Variants in MYO16 observed in about 807,000 individuals in gnomAD.
MYO16 encodes the protein myosin XVI, also known as unconventional myosin-XVI.
A neutral mutation model predicts 205.3 loss-of-function variants in MYO16; 94 were observed. That is an observed-to-expected ratio of 0.46 (90% CI 0.39 to 0.54). The LOEUF is 0.54. Ranked by LOEUF, MYO16 falls within the 20% of genes least tolerant of loss-of-function variation. MYO16 has a pLI of 0.00. For synonymous variants in MYO16, 988 were observed against 954.0 expected (o/e 1.04, Z -0.66); for missense variants, 2,315 against 2,387.5 (o/e 0.97, Z 0.63).
intron 27 of MYO16, among the ~76,000 whole-genome samples, chr13:109,084,965 C>G (rs1186913494): frequency 6.6e-6 from 1 of 152,150 alleles, no homozygotes; most frequent in African/African-American, 2.4e-5. Flanking sequence ...TATAGGACAT[C>G]TTGCAGTAGC....
chr13:109,055,201 T>C lies in MYO16; in HGVS notation c.3129+75T>C, dbSNP rs1887373497. Reference sequence around the variant, plus strand: ...TAAAGAGGGTTTATGTAGACTTTTTTTTCCATTTTTGACAACTTAAATATC... The same window carrying C: ...TAAAGAGGGTTTATGTAGACTTTTTCTTCCATTTTTGACAACTTAAATATC... On this transcript the variant is annotated intron_variant, in intron 26 of 34. Coordinates refer to ENST00000457511, the MANE Select transcript of MYO16 (RefSeq NM_001198950.3). This position sits in a 1 kb window ranked among gnomAD's most constrained non-coding sequence, Gnocchi z 5.0. 4.6e-6 allele frequency: 6 copies of C among 1,302,156 alleles called. No individual in the cohort carries two copies. In the East Asian group the frequency reaches 9.3e-5, roughly 20 times the overall value. 80.7% of individuals were successfully genotyped at this position (1,302,156 alleles called of 1,614,324 possible).
At position 109,127,359 on chromosome 13, in the gene MYO16, A is replaced by T; in HGVS notation, c.3860A>T (p.Gln1287Leu). 6.2e-7 allele frequency: 1 copy of T among 1,613,614 alleles called. No individual in the cohort carries two copies. Among genetic ancestry groups the T allele is most frequent in the Non-Finnish European group, 8.5e-7 (1 of 1,179,826 alleles). Residue 1287 changes from glutamine (Q) to leucine (L), a missense_variant, in exon 31 of 35, where the codon CAG becomes CTG. Transcript: ENST00000457511. The surrounding 1 kb of genome is among the most constrained non-coding windows in gnomAD (Gnocchi z 4.2). Reference protein sequence around the residue: ...SVCAAVDGLGQCLVGPSIWSP... With the variant: ...SVCAAVDGLGLCLVGPSIWSP... ...TGCGCGGCCGTGGATGGCCTGGGCC[A>T]GTGCCTCGTTGGCCCGTCCATCTGG...
chr13:108,982,281 ATGT>A, intron 20 of MYO16, among the ~76,000 whole-genome samples: 1 of 152,368 alleles, frequency 6.6e-6, no homozygotes, highest in East Asian at 1.9e-4. Flanking sequence ...GGTGATGGAC[ATGT>A]TAATTACTTT....
chr13:109,178,631 G>A (rs1171661643), intron 33 of MYO16, among the ~76,000 whole-genome samples: 2 of 152,002 alleles, frequency 1.3e-5, no homozygotes, highest in Non-Finnish European at 2.9e-5. Flanking sequence ...TTTATTAATC[G>A]AAGTCACTTG....
intron 7 of MYO16, among the ~76,000 whole-genome samples, chr13:108,819,399 A>G (rs185097260): frequency 6.6e-6 from 1 of 152,274 alleles, no homozygotes; most frequent in Non-Finnish European, 1.5e-5. Flanking sequence ...GAATGTCACA[A>G]ACAGGTTAAG....
At chr13:108,961,834 T>C (rs1318409299) in intron 18 of MYO16, among the ~76,000 whole-genome samples, 178 bp downstream of exon 18, 1 of 152,208 alleles carries the variant, frequency 6.6e-6, no homozygotes, top group Admixed American at 6.5e-5. Flanking sequence ...GTTGTGGAAA[T>C]GAGTAGCAAG....
chr13:108,686,188 G>A (rs1310798855), intron 2 of MYO16, among the ~76,000 whole-genome samples: 1 of 152,130 alleles, frequency 6.6e-6, no homozygotes, highest in African/African-American at 2.4e-5. Flanking sequence ...GAGTGGAGCC[G>A]CCTTGATGAG....
At chr13:108,686,183 G>A (rs1338001465) in intron 2 of MYO16, among the ~76,000 whole-genome samples, 5 of 152,144 alleles carry the variant, frequency 3.3e-5, no homozygotes, top group Admixed American at 6.5e-5. Context: ...GGCAGGAGTG[G>A]AGCCGCCTTG....
At chr13:108,790,426 TTAAAA>T (rs1433601184) in intron 5 of MYO16, among the ~76,000 whole-genome samples, 1 of 152,162 alleles carries the variant, frequency 6.6e-6, no homozygotes, top group Non-Finnish European at 1.5e-5. Flanking sequence ...AATTCTTATA[TTAAAA>T]TAAATTACTA....
At position 109,206,673 on chromosome 13, in the gene MYO16, G is replaced by T. The variant is rs1880609758; in HGVS notation, c.5480G>T (p.Arg1827Met). 1 of 1,614,076 alleles carries T rather than the reference G, an allele frequency of 6.2e-7. No homozygotes were observed. The change falls in exon 35 of 35, where the codon AGG (arginine) becomes ATG (methionine). Residue 1827 changes from arginine to methionine, a missense_variant. Arg to Met is a moderately conservative substitution (Grantham distance 91). Coordinates refer to ENST00000457511, the MANE Select transcript of MYO16 (RefSeq NM_001198950.3). ...GCCCTGCAGGAACTCTTGGACTGGA[G>T]GAGAAAGCTCTGTGAGGAAGGACAA... is the stretch of plus-strand genomic sequence containing the variant. ...SVALQELLDWRRKLCEEGQDW... is the reference protein window; with the variant it reads ...SVALQELLDWMRKLCEEGQDW...
intron 3 of MYO16, among the ~76,000 whole-genome samples, chr13:108,719,539 G>C (rs1884080368): frequency 6.6e-6 from 1 of 151,758 alleles, no homozygotes; most frequent in South Asian, 2.1e-4. Context: ...GTAGGTTGTT[G>C]GTCCTGAGGT....
upstream of MYO16, among the ~76,000 whole-genome samples, chr13:108,626,904 T>TTA (rs553256899): frequency 8.9e-5 from 13 of 146,494 alleles, no homozygotes; most frequent in Admixed American, 3.4e-4. Context: ...TATATGTATA[T>TTA]TATATATATT....
chr13:109,184,363 A>C (rs998662053), intron 34 of MYO16, among the ~76,000 whole-genome samples: 1 of 152,210 alleles, frequency 6.6e-6, no homozygotes, highest in African/African-American at 2.4e-5. Flanking sequence ...CAGCATTTTC[A>C]ACAGGGAAAG....
At chr13:109,175,233 C>G (rs2149516) in intron 33 of MYO16, among the ~76,000 whole-genome samples, 152,302 of 152,352 alleles carry the variant, frequency 1, 76,126 homozygotes, top group Non-Finnish European at 1. Context: ...TTGTGTCCTG[C>G]AGGAAGGTTT....
the MYO16 span, among the ~76,000 whole-genome samples, chr13:108,552,143 T>C: frequency 1.3e-5 from 2 of 152,170 alleles, no homozygotes; most frequent in African/African-American, 4.8e-5. Context: ...CAAAGATACA[T>C]GCTTCCTCTA....
Position 108,855,468 on chromosome 13 carries a change from A to G in MYO16, c.1274A>G (p.Asn425Ser), listed in dbSNP as rs753722147. The change falls in exon 11 of 35, where the codon AAC (asparagine) becomes AGC (serine). Residue 425 changes from asparagine to serine, a missense_variant. Asn to Ser is a conservative substitution (Grantham distance 46). Coordinates refer to ENST00000457511, the MANE Select transcript of MYO16 (RefSeq NM_001198950.3). ...EQVKLMPPAP[N>S]DDLATLSELN... ...GTCAAGCTAATGCCTCCTGCCCCAA[A>G]CGATGACCTGGCAACGCTCAGCGAG... The G allele has an allele frequency of 1.7e-5, 27 of 1,592,676 alleles. No individual in the cohort carries two copies. The highest frequency in any genetic ancestry group is 2.1e-5 in the Non-Finnish European group (25 of 1,163,708).
At chr13:108,988,450 A>T (rs558480212) in intron 20 of MYO16, among the ~76,000 whole-genome samples, 48 of 151,704 alleles carry the variant, frequency 3.2e-4, no homozygotes, top group African/African-American at 9.9e-4. Flanking sequence ...TTTTTTTTTT[A>T]AAACCAAATA....
chr13:109,056,207 A>G (rs1029659250), intron 27 of MYO16: 1 of 153,434 alleles, frequency 6.5e-6, no homozygotes, highest in Non-Finnish European at 1.5e-5. Context: ...ATTCAGCTGA[A>G]AAATACACTG....
chr13:108,999,895 T>C (rs935651000), intron 21 of MYO16, among the ~76,000 whole-genome samples: 1 of 152,198 alleles, frequency 6.6e-6, no homozygotes, highest in Admixed American at 6.5e-5. Flanking sequence ...CTCTTAGGAC[T>C]CAATATTATT....
Sources: gnomAD v4.1 joint callset for allele counts (sites outside exome capture counted in the v4.1 genomes callset) on GRCh38, gnomAD v4.1.1 for gene constraint, Gnocchi (gnomAD v3.1) non-coding constraint, MANE v1.5 for transcripts, NCBI Gene and HGNC (gene_info 2026-07-23, HGNC 2026-07-21) for gene names.